TBC1D5: variants seen among roughly 807,000 people sequenced by gnomAD.
TBC1D5 encodes the protein TBC1 domain family, member 5.
A neutral mutation model predicts 100.3 loss-of-function variants in TBC1D5; 75 were observed. The ratio of observed to expected loss-of-function variants is 0.75; its 90% CI spans 0.62 to 0.91. The LOEUF (loss-of-function observed/expected upper bound fraction) is 0.91, where lower values mean the gene tolerates loss of function less well. Among genes scored for constraint, TBC1D5 ranks in the 40% least tolerant of loss-of-function variants. TBC1D5 has a pLI of 0.00. For missense variants in TBC1D5, 910 were observed against 942.4 expected, an observed-to-expected ratio of 0.97 and a Z score of 0.45; for synonymous variants, 323 against 325.6, an observed-to-expected ratio of 0.99 and a Z score of 0.09.
chr3:17,585,541 G>C (rs1192892339), intron 2 of TBC1D5, among the ~76,000 whole-genome samples: 1 of 152,130 alleles, frequency 6.6e-6, no homozygotes, highest in Non-Finnish European at 1.5e-5. Context: ...TAAGTCATTT[G>C]ACAGCTTATA....
At chr3:17,255,277 T>C (rs932379662) in intron 16 of TBC1D5, among the ~76,000 whole-genome samples, 3 of 152,180 alleles carry the variant, frequency 2.0e-5, no homozygotes, top group Admixed American at 2.0e-4. Context: ...CTCGGCTCAC[T>C]GCAACCTCCA....
intron 2 of TBC1D5, among the ~76,000 whole-genome samples, chr3:17,605,598 T>C (rs947810037): frequency 6.6e-6 from 1 of 152,204 alleles, no homozygotes; most frequent in African/African-American, 2.4e-5. Context: ...TAGTCTTTTT[T>C]AGTAACCAGA....
intron 15 of TBC1D5, among the ~76,000 whole-genome samples, chr3:17,276,161 G>A (rs1367125499): frequency 2.6e-5 from 4 of 152,098 alleles, no homozygotes; most frequent in Non-Finnish European, 5.9e-5. Context: ...TCTGGTAAGG[G>A]CTCATTCCTC....
intron 16 of TBC1D5, among the ~76,000 whole-genome samples, chr3:17,242,791 C>T (rs1007085090): frequency 3.3e-5 from 5 of 151,790 alleles, no homozygotes; most frequent in Non-Finnish European, 7.4e-5. Context: ...TTTTTCAAAA[C>T]GACTATGGAA....
chr3:17,655,781 G>T (rs2066007502), intron 1 of TBC1D5, among the ~76,000 whole-genome samples: 1 of 152,070 alleles, frequency 6.6e-6, no homozygotes, highest in African/African-American at 2.4e-5. Context: ...TTTTGGATAA[G>T]AAATACTCAA....
rs186760558 is a variant in TBC1D5 at position 17,324,363 on chromosome 3, C to T, written c.996-16229G>A. 1.3e-3 allele frequency among the ~76,000 whole-genome samples: 199 copies of T among 152,248 alleles called. 1 individual carries two copies. Among genetic ancestry groups the T allele is most frequent in the African/African-American group, 4.4e-3 (184 of 41,548 alleles). On this transcript the variant is annotated intron_variant, in intron 13 of 21. Transcript: ENST00000253692. ...GTACCATTAAGAAAATGAAAATAGG[C>T]CCGGTGTGGTGGCTCACACCTGTAT... is the stretch of plus-strand genomic sequence containing the variant.
At chr3:17,599,710 C>G (rs940391422) in intron 2 of TBC1D5, among the ~76,000 whole-genome samples, 4 of 152,114 alleles carry the variant, frequency 2.6e-5, no homozygotes, top group Non-Finnish European at 5.9e-5. Flanking sequence ...TCAAGAGGAG[C>G]CCAAAAGTGC....
chr3:17,481,548 T>C (rs749566288), intron 3 of TBC1D5, among the ~76,000 whole-genome samples: 36 of 152,178 alleles, frequency 2.4e-4, no homozygotes, highest in Non-Finnish European at 4.6e-4. Flanking sequence ...GAGCGAGACC[T>C]GTATAGCTTA....
intron 2 of TBC1D5, among the ~76,000 whole-genome samples, chr3:17,554,336 G>A (rs1473634821): frequency 6.6e-6 from 1 of 152,158 alleles, no homozygotes; most frequent in Non-Finnish European, 1.5e-5. Flanking sequence ...ACTCACAGAG[G>A]AGTAATGTGG....
chr3:17,403,211 CGAA>C, exon 8 of TBC1D5: 1 of 1,591,396 alleles, frequency 6.3e-7, no homozygotes, highest in South Asian at 1.1e-5. Context: ...AATCATTGAT[CGAA>C]GTTCTTTATC....
At chr3:17,217,051 A>T (rs1001994399) in intron 17 of TBC1D5, among the ~76,000 whole-genome samples, 1 of 152,158 alleles carries the variant, frequency 6.6e-6, no homozygotes, top group Admixed American at 6.6e-5. Flanking sequence ...CTCTTCCCAT[A>T]GTCCCTGCAA....
At chr3:17,243,931 G>A (rs910228456) in intron 16 of TBC1D5, among the ~76,000 whole-genome samples, 1 of 152,150 alleles carries the variant, frequency 6.6e-6, no homozygotes, top group African/African-American at 2.4e-5. Flanking sequence ...TATAAATGGA[G>A]TGGAATGGTA....
At chr3:17,316,453 C>T (rs781466942) in intron 13 of TBC1D5, among the ~76,000 whole-genome samples, 15 of 152,174 alleles carry the variant, frequency 9.9e-5, no homozygotes, top group Non-Finnish European at 1.9e-4. Context: ...CATATCATAT[C>T]TACTCAAGTG....
intron 12 of TBC1D5, among the ~76,000 whole-genome samples, chr3:17,373,170 A>G (rs998787394): frequency 2.0e-5 from 3 of 152,196 alleles, no homozygotes; most frequent in Admixed American, 6.5e-5. Flanking sequence ...AACTCATAAG[A>G]TGTATAAAAA....
intron 14 of TBC1D5, among the ~76,000 whole-genome samples, chr3:17,303,205 C>T (rs1236889651): frequency 6.6e-6 from 1 of 152,206 alleles, no homozygotes; most frequent in African/African-American, 2.4e-5. Flanking sequence ...TCTGCAACCT[C>T]CAGATGTGAG....
Position 17,565,584 on chromosome 3 carries a change from C to G in TBC1D5, c.-35-56979G>C, listed in dbSNP as rs532792020. ...TATTTTCAATTGCTGTTTCTGTTGA[C>G]AACAACAAATAGTTTTTTATTTATT... On this transcript the variant is annotated intron_variant, in intron 2 of 21. Coordinates refer to ENST00000253692, the Ensembl canonical transcript of TBC1D5. Among the ~76,000 whole-genome samples the G allele has an allele frequency of 4.2e-4, 64 of 152,144 alleles. 1 individual carries two copies. Among genetic ancestry groups the G allele is most frequent in the Admixed American group, 2.0e-3 (30 of 15,280 alleles).
chr3:17,538,857 T>C (rs577346589), intron 2 of TBC1D5, among the ~76,000 whole-genome samples: 1 of 152,082 alleles, frequency 6.6e-6, no homozygotes, highest in Admixed American at 6.5e-5. Context: ...TGGCCAACAA[T>C]GCAAAATCCT....
intron 2 of TBC1D5, among the ~76,000 whole-genome samples, chr3:17,521,933 G>A (rs935426311): frequency 6.6e-6 from 1 of 152,028 alleles, no homozygotes; most frequent in African/African-American, 2.4e-5. Flanking sequence ...CAAAAATGAT[G>A]AGCTTACTTG....
At chr3:17,533,074 GACACACACACACAC>G (rs9310518) in intron 2 of TBC1D5, among the ~76,000 whole-genome samples, 1 of 144,958 alleles carries the variant, frequency 6.9e-6, no homozygotes. Context: ...CACATACACA[GACACACACACACAC>G]ACACACACAC....
Sources: allele counts gnomAD v4.1 joint callset (sites outside exome capture counted in the v4.1 genomes callset), GRCh38; gene constraint gnomAD v4.1.1; transcripts MANE v1.5; gene names NCBI Gene and HGNC (gene_info 2026-07-23, HGNC 2026-07-21).